Variants in SDK1 observed in about 807,000 individuals in gnomAD.
The protein encoded by SDK1 is protein sidekick-1.
In SDK1, 157 loss-of-function variants were observed where a neutral mutation model predicts 245.5. The ratio of observed to expected loss-of-function variants is 0.64; its 90% confidence interval spans 0.56 to 0.73. SDK1 has a LOEUF of 0.73. SDK1 is among the 30% of genes least tolerant of loss of function. The pLI is 0.00. For synonymous variants in SDK1, 1,647 were observed against 1,278.5 expected (o/e 1.29, Z -6.15); for missense variants, 3,583 against 3,002.3 (o/e 1.19, Z -4.52).
chr7:4,195,233 A>G (rs1179877659), intron 35 of SDK1, among the ~76,000 whole-genome samples: 2 of 152,194 alleles, frequency 1.3e-5, no homozygotes, highest in African/African-American at 4.8e-5. Flanking sequence ...CTACTCTTCT[A>G]GCAACTCTGA....
intron 25 of SDK1, among the ~76,000 whole-genome samples, chr7:4,126,337 A>C (rs1476975193): frequency 1.3e-5 from 2 of 152,280 alleles, no homozygotes; most frequent in African/African-American, 4.8e-5. Context: ...GCTTTTATAC[A>C]TATTATATCT....
At chr7:3,395,643 A>G (rs893849275) in intron 1 of SDK1, among the ~76,000 whole-genome samples, 6 of 151,986 alleles carry the variant, frequency 3.9e-5, no homozygotes, top group Non-Finnish European at 7.4e-5. Flanking sequence ...TTGTGGGAAC[A>G]TATTTTAAAA....
intron 1 of SDK1, among the ~76,000 whole-genome samples, chr7:3,485,683 GTTTTTTTTTT>G (rs71552309): frequency 5.2e-5 from 2 of 38,178 alleles, no homozygotes; most frequent in East Asian, 9.0e-4. Context: ...TCTTTGGAGG[GTTTTTTTTTT>G]TTTTTTTTTT....
chr7:4,090,609 C>A (rs904853953), intron 22 of SDK1, among the ~76,000 whole-genome samples: 1 of 152,136 alleles, frequency 6.6e-6, no homozygotes, highest in African/African-American at 2.4e-5. Flanking sequence ...TTGAGCACTT[C>A]CTTATCTTCT....
chr7:3,728,017 G>C (rs1410843950), intron 4 of SDK1, among the ~76,000 whole-genome samples: 1 of 152,150 alleles, frequency 6.6e-6, no homozygotes, highest in East Asian at 1.9e-4. Context: ...AAGGGGCACT[G>C]GTTAGGTATT....
At chr7:3,969,794 C>T (rs1176318617) in intron 11 of SDK1, among the ~76,000 whole-genome samples, 2 of 152,130 alleles carry the variant, frequency 1.3e-5, no homozygotes, top group South Asian at 2.1e-4. Flanking sequence ...TTTTGCTAAA[C>T]ATTTGTTAGG....
chr7:3,649,628 G>C (rs1376842201), intron 4 of SDK1, among the ~76,000 whole-genome samples: 1 of 152,060 alleles, frequency 6.6e-6, no homozygotes, highest in Non-Finnish European at 1.5e-5. Context: ...CTGTTTTAAG[G>C]ATTTTATTTA....
At chr7:4,191,671 A>G (rs1439673208) in intron 35 of SDK1, among the ~76,000 whole-genome samples, 1 of 152,248 alleles carries the variant, frequency 6.6e-6, no homozygotes, top group Admixed American at 6.5e-5. Flanking sequence ...AGGGAGGATC[A>G]CCGGCCTGGG....
At chr7:3,743,547 T>C (rs1779535058) in intron 4 of SDK1, among the ~76,000 whole-genome samples, 1 of 152,184 alleles carries the variant, frequency 6.6e-6, no homozygotes, top group African/African-American at 2.4e-5. Flanking sequence ...TCCAGACCTG[T>C]CTACTTTACC....
At chr7:4,248,929 G>A (rs1250679211) in intron 44 of SDK1, among the ~76,000 whole-genome samples, 1 of 147,444 alleles carries the variant, frequency 6.8e-6, no homozygotes, top group Non-Finnish European at 1.5e-5. Context: ...ATACACATAT[G>A]TACATACATG....
chr7:3,392,244 T>C (rs1391219273), intron 1 of SDK1, among the ~76,000 whole-genome samples: 1 of 152,136 alleles, frequency 6.6e-6, no homozygotes, highest in Non-Finnish European at 1.5e-5. Flanking sequence ...ATTCCACTTG[T>C]GACCAATGAT....
At chr7:3,382,211 TCCTCCCGCCTCTG>T (rs1781506889) in intron 1 of SDK1, among the ~76,000 whole-genome samples, 1 of 152,178 alleles carries the variant, frequency 6.6e-6, no homozygotes, top group South Asian at 2.1e-4. Flanking sequence ...GCTCAAGTGA[TCCTCCCGCCTCTG>T]CCTCCCAAAG....
At chr7:4,182,537 A>G (rs983376766) in intron 35 of SDK1, among the ~76,000 whole-genome samples, 1 of 152,186 alleles carries the variant, frequency 6.6e-6, no homozygotes, top group Non-Finnish European at 1.5e-5. Context: ...GGCCTCCCAG[A>G]TATGCTGAGA....
intron 1 of SDK1, among the ~76,000 whole-genome samples, chr7:3,409,656 G>C (rs1779146274): frequency 6.6e-6 from 1 of 152,158 alleles, no homozygotes; most frequent in African/African-American, 2.4e-5. Flanking sequence ...AGGTGGATTG[G>C]AGACAGCAAC....
At chr7:3,826,276 G>A (rs975368727) in intron 5 of SDK1, among the ~76,000 whole-genome samples, 12 of 152,162 alleles carry the variant, frequency 7.9e-5, no homozygotes, top group African/African-American at 2.7e-4. Context: ...AAGAGAGGAC[G>A]GGAATCAGCA....
At chr7:4,136,021 T>G (rs1779061525) in intron 28 of SDK1, among the ~76,000 whole-genome samples, 2 of 152,300 alleles carry the variant, frequency 1.3e-5, no homozygotes, top group South Asian at 2.1e-4. Context: ...GTTCCTAAAG[T>G]GCGTCGGGAG....
chr7:3,822,944 G>A (rs75361811), intron 5 of SDK1, among the ~76,000 whole-genome samples: 5,193 of 152,064 alleles, frequency 0.034, 312 homozygotes, highest in African/African-American at 0.12. Context: ...TCAGATGCCT[G>A]CCTAATTGGT....
intron 1 of SDK1, among the ~76,000 whole-genome samples, chr7:3,305,949 C>T (rs73044757): frequency 1.3e-5 from 2 of 152,044 alleles, no homozygotes; most frequent in African/African-American, 4.8e-5. Context: ...CAGATGTTAA[C>T]TAACTTTCCT....
At chr7:3,857,700 G>T (rs971466274) in intron 5 of SDK1, among the ~76,000 whole-genome samples, 3 of 148,098 alleles carry the variant, frequency 2.0e-5, no homozygotes, top group South Asian at 2.1e-4. Context: ...AAAAAAAAAT[G>T]AAAGAAAACC....
Sources: gnomAD v4.1 joint callset for allele counts (sites outside exome capture counted in the v4.1 genomes callset) on GRCh38, gnomAD v4.1.1 for gene constraint, MANE v1.5 for transcripts, NCBI Gene and HGNC (gene_info 2026-07-23, HGNC 2026-07-21) for gene names.